Variants in ACOXL observed in about 807,000 individuals in gnomAD.
ACOXL encodes the protein acyl-CoA oxidase like.
A neutral mutation model predicts 71.9 loss-of-function variants in ACOXL; 70 were observed. That is an observed-to-expected ratio of 0.97 (90% confidence interval 0.80 to 1.19). ACOXL has a LOEUF of 1.19. Ranked by LOEUF, ACOXL falls within the 50% of genes most tolerant of loss-of-function variation. ACOXL has a pLI of 0.00. For missense variants in ACOXL, 703 were observed against 736.3 expected, an observed-to-expected ratio of 0.95 and a Z score of 0.52; for synonymous variants, 253 against 281.6, an observed-to-expected ratio of 0.90 and a Z score of 1.02.
At chr2:110,895,286 A>G (rs2058962876) in intron 10 of ACOXL, among the ~76,000 whole-genome samples, 1 of 152,192 alleles carries the variant, frequency 6.6e-6, no homozygotes, top group South Asian at 2.1e-4. Context: ...GGAAAAACTA[A>G]TTGGATGGTC....
intron 14 of ACOXL, among the ~76,000 whole-genome samples, chr2:111,001,629 T>G (rs2063634054): frequency 6.6e-6 from 1 of 152,222 alleles, no homozygotes; most frequent in Non-Finnish European, 1.5e-5. Flanking sequence ...ATTCCCATTT[T>G]CCTCATTTTG....
chr2:111,095,700 A>T (rs764575008), intron 17 of ACOXL, among the ~76,000 whole-genome samples: 53 of 152,048 alleles, frequency 3.5e-4, no homozygotes, highest in Non-Finnish European at 7.1e-4. Flanking sequence ...CTGCTTTTGT[A>T]TTCTTACAGT....
intron 16 of ACOXL, among the ~76,000 whole-genome samples, chr2:111,087,886 G>A (rs1409993987): frequency 6.6e-6 from 1 of 152,148 alleles, no homozygotes; most frequent in Non-Finnish European, 1.5e-5. Context: ...GAAAATATTT[G>A]CAAACTATAC....
intron 1 of ACOXL, among the ~76,000 whole-genome samples, chr2:110,758,376 C>T (rs1285575324): frequency 6.6e-6 from 1 of 152,078 alleles, no homozygotes; most frequent in East Asian, 1.9e-4. Flanking sequence ...GTTATCTGGG[C>T]TCCTTTTTGG....
chr2:111,038,607 G>C (rs3789081), intron 15 of ACOXL, among the ~76,000 whole-genome samples: 8,536 of 152,258 alleles, frequency 0.056, 289 homozygotes, highest in Middle Eastern at 0.075. Flanking sequence ...TTTGCACCAA[G>C]TATACTGTAT....
At position 110,993,415 on chromosome 2, in the gene ACOXL, G is replaced by T. The variant is rs56682878; in HGVS notation, c.1170-2478G>T. ...GTATGTACTCTTTTGTAGCTGCCTC[G>T]TGAAATTGGCATAATACTTTTTGAC... On this transcript the variant is annotated intron_variant, in intron 13 of 17. Coordinates refer to ENST00000439055, the MANE Select transcript of ACOXL (RefSeq NM_001142807.4). Among the ~76,000 whole-genome samples the T allele has an allele frequency of 7.2e-5, 11 of 152,272 alleles. No homozygotes were observed. In the South Asian group the frequency reaches 2.1e-3, roughly 29 times the overall value.
At chr2:110,881,058 T>G (rs998037915) in intron 10 of ACOXL, among the ~76,000 whole-genome samples, 1 of 152,124 alleles carries the variant, frequency 6.6e-6, no homozygotes. Flanking sequence ...ATTAGAAGAT[T>G]ATTTTTAAGT....
intron 17 of ACOXL, among the ~76,000 whole-genome samples, chr2:111,101,601 C>T (rs931209482): frequency 3.3e-5 from 5 of 151,394 alleles, no homozygotes; most frequent in Admixed American, 2.6e-4. Flanking sequence ...TGGGGTTTCT[C>T]GGTCACTCAC....
intron 14 of ACOXL, among the ~76,000 whole-genome samples, chr2:111,026,413 T>C (rs564609537): frequency 1.4e-4 from 22 of 151,974 alleles, no homozygotes; most frequent in Non-Finnish European, 2.5e-4. Flanking sequence ...ATGAACACAA[T>C]GTATAGTTCT....
At chr2:110,836,917 C>T (rs1690537002) in intron 9 of ACOXL, among the ~76,000 whole-genome samples, 1 of 152,174 alleles carries the variant, frequency 6.6e-6, no homozygotes, top group Non-Finnish European at 1.5e-5. Context: ...GCGGCCTCCT[C>T]GCCAAATCCT....
intron 10 of ACOXL, among the ~76,000 whole-genome samples, chr2:110,903,828 G>A (rs1487825143): frequency 6.6e-6 from 1 of 152,226 alleles, no homozygotes; most frequent in African/African-American, 2.4e-5. Flanking sequence ...GAGGCCAATG[G>A]GGCCTGAGAG....
At chr2:110,740,978 ATC>A (rs2104698748) in intron 1 of ACOXL, among the ~76,000 whole-genome samples, 1 of 152,268 alleles carries the variant, frequency 6.6e-6, no homozygotes, top group South Asian at 2.1e-4. Context: ...GTTGGAGGGG[ATC>A]TTGCCCTTTT....
intron 9 of ACOXL, among the ~76,000 whole-genome samples, chr2:110,834,193 G>A (rs893088143): frequency 1.3e-5 from 2 of 152,014 alleles, no homozygotes; most frequent in Non-Finnish European, 2.9e-5. Context: ...AATCAATAGT[G>A]GTATTTAACA....
chr2:111,083,446 T>C (rs1420999009), intron 16 of ACOXL, among the ~76,000 whole-genome samples: 1 of 152,140 alleles, frequency 6.6e-6, no homozygotes, highest in Non-Finnish European at 1.5e-5. Context: ...AAACTTCCAA[T>C]TGTCCACTCC....
At chr2:110,928,135 T>C (rs770333319) in intron 11 of ACOXL, among the ~76,000 whole-genome samples, 10 of 152,226 alleles carry the variant, frequency 6.6e-5, no homozygotes, top group Non-Finnish European at 1.5e-4. Context: ...ATCTTTCAAC[T>C]GGATTCACTT....
At chr2:110,738,116 A>G (rs918442333) in intron 1 of ACOXL, among the ~76,000 whole-genome samples, 9 of 152,200 alleles carry the variant, frequency 5.9e-5, no homozygotes, top group East Asian at 1.9e-4. Flanking sequence ...TGTGGCTGCC[A>G]TTGCTATGAG....
intron 12 of ACOXL, among the ~76,000 whole-genome samples, chr2:110,960,417 C>T (rs1481537664): frequency 6.6e-6 from 1 of 152,194 alleles, no homozygotes; most frequent in Admixed American, 6.5e-5. Context: ...GTGTGAAGGT[C>T]TCCTCTAACC....
intron 16 of ACOXL, among the ~76,000 whole-genome samples, chr2:111,067,879 A>G (rs2067147871): frequency 6.6e-6 from 1 of 152,128 alleles, no homozygotes. Context: ...GTGAATTGGG[A>G]GTGCGGGGAA....
intron 3 of ACOXL, among the ~76,000 whole-genome samples, chr2:110,790,564 T>C (rs1559264774): frequency 6.6e-6 from 1 of 151,780 alleles, no homozygotes; most frequent in East Asian, 1.9e-4. Flanking sequence ...GAAGTTCGAG[T>C]TTTCATTAGG....
Sources: gnomAD v4.1 joint callset for allele counts (sites outside exome capture counted in the v4.1 genomes callset) on GRCh38, gnomAD v4.1.1 for gene constraint, MANE v1.5 for transcripts, NCBI Gene and HGNC (gene_info 2026-07-23, HGNC 2026-07-21) for gene names.